Variants in MTA3 observed in about 807,000 individuals in gnomAD.
MTA3 encodes metastasis-associated protein MTA3.
MTA3 carries 34 observed loss-of-function variants against 83.5 expected under a neutral mutation model. The ratio of observed to expected loss-of-function variants is 0.41; its 90% CI spans 0.31 to 0.54. The LOEUF (loss-of-function observed/expected upper bound fraction) is 0.54. Among genes scored for constraint, MTA3 ranks in the 20% least tolerant of loss-of-function variants. The pLI is 0.33. For missense variants in MTA3, 761 were observed against 726.4 expected (o/e 1.05, Z -0.55); for synonymous variants, 303 against 252.7 (o/e 1.20, Z -1.89).
chr2:42,710,325 G>A (rs1363802194), intron 14 of MTA3, among the ~76,000 whole-genome samples: 1 of 152,086 alleles, frequency 6.6e-6, no homozygotes, highest in African/African-American at 2.4e-5. Flanking sequence ...GGCCGAGGTG[G>A]GTGGATCACC....
At chr2:42,719,172 C>T (rs888804173) in intron 15 of MTA3, 98 bp downstream of exon 15, 2 of 879,282 alleles carry the variant, frequency 2.3e-6, no homozygotes, top group Non-Finnish European at 3.6e-6. Context: ...TAATTCAGGC[C>T]CTTCAAATAG....
chr2:42,705,357 A>C (rs906012405), intron 12 of MTA3, among the ~76,000 whole-genome samples: 5 of 152,188 alleles, frequency 3.3e-5, no homozygotes, highest in Admixed American at 6.5e-5. Context: ...TGTATATTCA[A>C]ATGAAAATGA....
intron 8 of MTA3, among the ~76,000 whole-genome samples, chr2:42,664,517 A>G (rs532191048): frequency 9.0e-6 from 1 of 110,540 alleles, no homozygotes; most frequent in South Asian, 3.2e-4. Context: ...TCTGTTGCCC[A>G]GGCTGGAGTG....
intron 5 of MTA3, among the ~76,000 whole-genome samples, chr2:42,640,917 A>G (rs1233065091): frequency 2.0e-5 from 3 of 152,002 alleles, no homozygotes; most frequent in African/African-American, 4.8e-5. Flanking sequence ...CGTATGTTTT[A>G]GTTTTTGGAG....
chr2:42,579,348 C>A, intron 3 of MTA3, 148 bp downstream of exon 3: 1 of 588,984 alleles, frequency 1.7e-6, no homozygotes. Flanking sequence ...GTGATACTAA[C>A]TGAAACCAAA....
At chr2:42,508,904 A>G (rs1382725498) in intron 2 of MTA3, among the ~76,000 whole-genome samples, 2 of 148,496 alleles carry the variant, frequency 1.3e-5, no homozygotes, top group Admixed American at 6.8e-5. Context: ...ACTATACAAC[A>G]TATAGTATAT....
chr2:42,688,270 G>C (rs1209686576), intron 9 of MTA3, among the ~76,000 whole-genome samples: 1 of 152,074 alleles, frequency 6.6e-6, no homozygotes, highest in Admixed American at 6.6e-5. Context: ...TTTTTGTATA[G>C]ATGCAGTCTC....
At chr2:42,596,736 C>T (rs1681830811) in intron 3 of MTA3, among the ~76,000 whole-genome samples, 1 of 152,072 alleles carries the variant, frequency 6.6e-6, no homozygotes, top group African/African-American at 2.4e-5. Flanking sequence ...GTTAGCTTTA[C>T]TTCTGTCATT....
At chr2:42,525,519 T>C (rs1269412073) in intron 2 of MTA3, among the ~76,000 whole-genome samples, 2 of 72,330 alleles carry the variant, frequency 2.8e-5, no homozygotes, top group Non-Finnish European at 5.9e-5. Context: ...CTTCCTTTCT[T>C]CCCTTCCTTC....
rs528212216 is a variant in MTA3 at position 42,530,845 on chromosome 2, T to C, written c.-141+35591T>C. Among the ~76,000 whole-genome samples, 21 of 152,268 alleles carry C rather than the reference T, an allele frequency of 1.4e-4. No individual in the cohort carries two copies. In the East Asian group the frequency reaches 3.9e-3, roughly 28 times the overall value. On this transcript the variant is annotated intron_variant, in intron 2 of 17. Coordinates refer to the MTA3 transcript ENST00000405592. ...GTAGTATTTTTTGTTTGTTTGTTTT[T>C]TTGAGACAGAGTCTCACTTCATCAC...
At chr2:42,716,906 G>A (rs1667069026) in intron 14 of MTA3, among the ~76,000 whole-genome samples, 1 of 152,132 alleles carries the variant, frequency 6.6e-6, no homozygotes, top group Admixed American at 6.5e-5. Context: ...TCACCACACT[G>A]TTTTCCACAT....
At chr2:42,723,331 C>T (rs77485630) in intron 16 of MTA3, 13 of 301,096 alleles carry the variant, frequency 4.3e-5, no homozygotes, top group East Asian at 6.6e-5. Context: ...CTGTGATGCG[C>T]GCTCACTGTT....
intron 16 of MTA3, among the ~76,000 whole-genome samples, chr2:42,740,683 AT>A (rs1445872658): frequency 6.6e-6 from 1 of 152,088 alleles, no homozygotes; most frequent in Non-Finnish European, 1.5e-5. Context: ...TCATATTTTG[AT>A]TTTTTTTCCT....
At chr2:42,530,114 G>A (rs1675889764) in intron 2 of MTA3, among the ~76,000 whole-genome samples, 2 of 151,436 alleles carry the variant, frequency 1.3e-5, no homozygotes, top group Non-Finnish European at 2.9e-5. Flanking sequence ...GAAACCGGAG[G>A]GCAGAGGTTG....
rs760663424 is a variant in MTA3 at position 42,697,863 on chromosome 2, T to C, written c.1025+29T>C. 183 of 1,439,838 alleles carry C rather than the reference T, an allele frequency of 1.3e-4. 1 individual carries two copies. Among genetic ancestry groups the C allele is most frequent in the Middle Eastern group, 3.5e-4 (2 of 5,720 alleles). The allele number at this position is 1,439,838 out of a possible 1,614,324, so 89.2% of individuals were successfully genotyped here. A position where few individuals can be genotyped will look rare whatever the true frequency, so the allele number is the denominator to read the frequency against. On this transcript the variant is annotated intron_variant, in intron 11 of 16. Coordinates refer to ENST00000405094, the MANE Select transcript of MTA3 (RefSeq NM_001330442.2). ...AGTAATTGAAATCTTTTAAAATATT[T>C]GTTTTGGTCTTAATTTTATCATTGC...
At chr2:42,751,686 GC>G (rs1320104672) in intron 16 of MTA3, among the ~76,000 whole-genome samples, 6 of 152,198 alleles carry the variant, frequency 3.9e-5, no homozygotes, top group Non-Finnish European at 7.4e-5. Flanking sequence ...TGAAACCGCA[GC>G]AGGCAAGTTT....
Position 42,667,578 on chromosome 2 carries a change from G to GTGTGTGTGTGTT in MTA3, c.702+7727_702+7728insTTGTGTGTGTGT, listed in dbSNP as rs1553379079. ...TTTCCATCATTTAAAAATTGTGTGT[G>GTGTGTGTGTGTT]TGTGTGTGTGTGTGTGTGTGTGTGT... On this transcript the variant is annotated intron_variant, in intron 8 of 16. Transcript: ENST00000405094. Among the ~76,000 whole-genome samples, 610 of 129,902 alleles carry GTGTGTGTGTGTT rather than the reference G, an allele frequency of 4.7e-3. 3 individuals carry two copies. Among genetic ancestry groups the GTGTGTGTGTGTT allele is most frequent in the Non-Finnish European group, 7.5e-3 (446 of 59,542 alleles). 85.2% of individuals were successfully genotyped at this position (129,902 alleles called of 152,430 possible). A position where few individuals can be genotyped will look rare whatever the true frequency, so the allele number is the denominator to read the frequency against.
intron 14 of MTA3, among the ~76,000 whole-genome samples, chr2:42,717,310 A>G (rs577340507): frequency 1.1e-3 from 161 of 152,252 alleles, no homozygotes; most frequent in Non-Finnish European, 1.6e-3. Context: ...TTGCAAAAGG[A>G]AAAATTCTTC....
intron 12 of MTA3, 23 bp from the exon 13 acceptor site, chr2:42,707,880 T>C (rs1011545351): frequency 6.7e-7 from 1 of 1,501,814 alleles, no homozygotes; most frequent in African/African-American, 1.4e-5. Context: ...TTTTCGTTTT[T>C]TCTTATTTTT....
Sources: allele counts gnomAD v4.1 joint callset (sites outside exome capture counted in the v4.1 genomes callset), GRCh38; gene constraint gnomAD v4.1.1; transcripts MANE v1.5; gene names NCBI Gene and HGNC (gene_info 2026-07-23, HGNC 2026-07-21).